Variants in RELN observed in about 807,000 individuals in gnomAD.
RELN encodes the protein reelin.
Under a neutral mutation model 427.6 loss-of-function variants are expected in RELN, and 108 were observed. The ratio of observed to expected loss-of-function variants is 0.25; its 90% CI spans 0.22 to 0.30. The LOEUF (loss-of-function observed/expected upper bound fraction) is 0.30. RELN is among the 10% of genes least tolerant of loss of function. The probability of loss-of-function intolerance (pLI) is 1.00; values close to 1 mark genes in which losing one functional copy is unlikely to be tolerated. For missense variants in RELN, 3,715 were observed against 4,302.8 expected, an observed-to-expected ratio of 0.86 and a Z score of 3.82; for synonymous variants, 1,524 against 1,513.4, an observed-to-expected ratio of 1.01 and a Z score of -0.16.
chr7:103,502,801 C>T (rs1829079309), intron 52 of RELN, among the ~76,000 whole-genome samples: 1 of 152,150 alleles, frequency 6.6e-6, no homozygotes, highest in South Asian at 2.1e-4. Context: ...TCTGCAAAAG[C>T]CCATATTGCC....
At chr7:103,911,447 G>T (rs1424668445) in intron 2 of RELN, among the ~76,000 whole-genome samples, 1 of 134,900 alleles carries the variant, frequency 7.4e-6, no homozygotes. Context: ...TCAGTGTGGC[G>T]ATTCCTCAGG....
In RELN at chr7:103,914,564, G is replaced by GT. The variant is rs970045599; in HGVS notation, c.337+2510dup. On this transcript the variant is annotated intron_variant, in intron 2 of 64. Coordinates refer to ENST00000428762, the MANE Select transcript of RELN (RefSeq NM_005045.4). Reference sequence around the variant, plus strand: ...TCTGGAAAAGCTAATTTTATCGAGTGTTTTTTTATGTGCTAATGGCTTTAC... The same window carrying GT: ...TCTGGAAAAGCTAATTTTATCGAGTGTTTTTTTTATGTGCTAATGGCTTTAC... Among the ~76,000 whole-genome samples the GT allele has an allele frequency of 8.5e-5, 13 of 152,140 alleles. No homozygotes were observed. In the East Asian group the frequency reaches 2.5e-3, roughly 29 times the overall value.
At chr7:103,771,690 A>G (rs1173566136) in intron 4 of RELN, among the ~76,000 whole-genome samples, 1 of 152,144 alleles carries the variant, frequency 6.6e-6, no homozygotes, top group Non-Finnish European at 1.5e-5. Flanking sequence ...GAGTAGCCCC[A>G]GATTTCCTCC....
At chr7:103,877,096 T>C (rs1253972897) in intron 2 of RELN, among the ~76,000 whole-genome samples, 1 of 152,118 alleles carries the variant, frequency 6.6e-6, no homozygotes, top group Non-Finnish European at 1.5e-5. Context: ...TCAGGGCTGT[T>C]TGCAAATTCC....
chr7:103,952,761 G>T (rs1214851806), intron 1 of RELN, among the ~76,000 whole-genome samples: 2 of 152,106 alleles, frequency 1.3e-5, no homozygotes, highest in African/African-American at 2.4e-5. Flanking sequence ...TCAAAAGGTC[G>T]GGAAATTGCA....
intron 1 of RELN, among the ~76,000 whole-genome samples, chr7:103,918,516 C>T (rs1795538599): frequency 6.6e-6 from 1 of 152,144 alleles, no homozygotes; most frequent in Non-Finnish European, 1.5e-5. Flanking sequence ...TTGCTCCCCT[C>T]AGATCCCAAA....
intron 1 of RELN, among the ~76,000 whole-genome samples, chr7:103,924,991 T>TATAC (rs1795697858): frequency 2.0e-5 from 1 of 49,050 alleles, no homozygotes; most frequent in Non-Finnish European, 5.2e-5. Context: ...CGCATACACA[T>TATAC]ACACACACAC....
chr7:103,945,406 C>G (rs1796200205), intron 1 of RELN, among the ~76,000 whole-genome samples: 1 of 152,124 alleles, frequency 6.6e-6, no homozygotes, highest in Non-Finnish European at 1.5e-5. Context: ...GTTAAGAAAA[C>G]CAGTTCTCAA....
In RELN at chr7:103,569,925, G is replaced by A. The variant is rs1357524892; in HGVS notation, c.4588+2259C>T. Among the ~76,000 whole-genome samples, 1 of 152,186 alleles carries A rather than the reference G, an allele frequency of 6.6e-6. No individual in the cohort carries two copies. Among genetic ancestry groups the A allele is most frequent in the Non-Finnish European group, 1.5e-5 (1 of 68,036 alleles). On this transcript the variant is annotated intron_variant, in intron 31 of 64. Transcript: ENST00000428762. The surrounding 1 kb of genome is among the most constrained non-coding windows in gnomAD (Gnocchi z 4.0). Reference sequence around the variant, plus strand: ...CATCTGCGTTATGCCCAGTCTTACTGAAAATAGCATAATTTTGATTTTAAT... The same window carrying A: ...CATCTGCGTTATGCCCAGTCTTACTAAAAATAGCATAATTTTGATTTTAAT...
intron 2 of RELN, among the ~76,000 whole-genome samples, chr7:103,873,820 A>G (rs1245488168): frequency 8.1e-6 from 1 of 122,880 alleles, no homozygotes; most frequent in African/African-American, 2.8e-5. Context: ...TATTCCAATC[A>G]ATAGAAAAAG....
chr7:103,791,012 C>T lies in RELN; in HGVS notation c.474-14385G>A, dbSNP rs1357534949. Among the ~76,000 whole-genome samples the T allele has an allele frequency of 2.0e-5, 3 of 151,856 alleles. No homozygotes were observed. In the East Asian group the frequency reaches 5.8e-4, roughly 29 times the overall value. On this transcript the variant is annotated intron_variant, in intron 3 of 64. Coordinates refer to ENST00000428762, the MANE Select transcript of RELN (RefSeq NM_005045.4). ...AAAAAAAGACAGAAAGAAAACAATT[C>T]CATTTATAAACTCATTGAAAAGAAT...
At chr7:103,562,394 G>A (rs1830663776) in intron 34 of RELN, among the ~76,000 whole-genome samples, 1 of 152,160 alleles carries the variant, frequency 6.6e-6, no homozygotes, top group Admixed American at 6.5e-5. Context: ...TACTGTCCCG[G>A]AATGGTTTCT....
chr7:103,762,099 T>C (rs1303932511), intron 4 of RELN, among the ~76,000 whole-genome samples: 1 of 152,188 alleles, frequency 6.6e-6, no homozygotes, highest in Admixed American at 6.5e-5. Context: ...GACAAAGGAA[T>C]TAAGTTCTGC....
intron 64 of RELN, among the ~76,000 whole-genome samples, chr7:103,477,996 A>G (rs1270551635): frequency 6.6e-6 from 1 of 152,172 alleles, no homozygotes; most frequent in Non-Finnish European, 1.5e-5. Flanking sequence ...CAGAGTCCCT[A>G]AATCTTTTGC....
intron 64 of RELN, among the ~76,000 whole-genome samples, chr7:103,477,874 T>C (rs528704552): frequency 2.6e-5 from 4 of 152,334 alleles, no homozygotes; most frequent in African/African-American, 9.6e-5. Context: ...GTATTATGAA[T>C]ACATCTACTC....
intron 64 of RELN, among the ~76,000 whole-genome samples, chr7:103,475,892 T>C (rs1219835887): frequency 8.8e-6 from 1 of 114,178 alleles, no homozygotes; most frequent in Non-Finnish European, 2.1e-5. Flanking sequence ...TTAAATAACA[T>C]TTTTTTCTTA....
chr7:103,704,377 A>G (rs1834156161), intron 8 of RELN, among the ~76,000 whole-genome samples: 1 of 152,216 alleles, frequency 6.6e-6, no homozygotes, highest in Non-Finnish European at 1.5e-5. Context: ...TTATTAGGTT[A>G]ACAATGTAAA....
At chr7:103,630,256 C>A in intron 19 of RELN, 80 bp from the exon 20 acceptor site, 4 of 971,932 alleles carry the variant, frequency 4.1e-6, no homozygotes, top group Non-Finnish European at 6.5e-6. Context: ...TAGATTTCCC[C>A]TGAAGTATAG....
chr7:103,492,138 CTT>C, intron 57 of RELN, 112 bp from the exon 58 acceptor site: 2 of 852,604 alleles, frequency 2.3e-6, no homozygotes, highest in Non-Finnish European at 3.9e-6. Flanking sequence ...TTCAGAGAAG[CTT>C]TTATAGAGCA....
Sources: gnomAD v4.1 joint callset for allele counts (sites outside exome capture counted in the v4.1 genomes callset) on GRCh38, gnomAD v4.1.1 for gene constraint, Gnocchi (gnomAD v3.1) non-coding constraint, MANE v1.5 for transcripts, NCBI Gene and HGNC (gene_info 2026-07-23, HGNC 2026-07-21) for gene names.